The following OPRM1 variants were observed in gnomAD, a reference collection of about 807,000 sequenced individuals.
OPRM1 encodes the protein mu-type opioid receptor.
In OPRM1, 27 loss-of-function variants were observed where a neutral mutation model predicts 31.8. The ratio of observed to expected loss-of-function variants is 0.85; its 90% CI spans 0.63 to 1.17. The LOEUF is 1.17. OPRM1 is among the 50% of genes most tolerant of loss of function. The pLI is 0.00. For missense variants in OPRM1, 536 were observed against 511.1 expected, an observed-to-expected ratio of 1.05 and a Z score of -0.47; for synonymous variants, 196 against 189.9, an observed-to-expected ratio of 1.03 and a Z score of -0.26.
chr6:154,100,944 T>C (rs1794748649), intron 3 of OPRM1, among the ~76,000 whole-genome samples: 1 of 148,660 alleles, frequency 6.7e-6, no homozygotes, highest in South Asian at 2.1e-4. Flanking sequence ...TATATATAAA[T>C]ATATATACAC....
At chr6:154,146,643 T>C (rs1798365538) in intron 3 of OPRM1, among the ~76,000 whole-genome samples, 1 of 152,222 alleles carries the variant, frequency 6.6e-6, no homozygotes. Flanking sequence ...AAAGAGCATT[T>C]GCATTCTAGC....
chr6:154,063,320 T>C (rs1343019323), intron 1 of OPRM1, among the ~76,000 whole-genome samples: 1 of 152,008 alleles, frequency 6.6e-6, no homozygotes, highest in African/African-American at 2.4e-5. Context: ...CTGTACTTTA[T>C]TTATTATACA....
chr6:154,035,950 A>G (rs978667745), upstream of OPRM1, among the ~76,000 whole-genome samples: 1 of 152,136 alleles, frequency 6.6e-6, no homozygotes, highest in Non-Finnish European at 1.5e-5. Context: ...TCAATGAAAT[A>G]AAAGATATAT....
chr6:154,219,196 G>A (rs1488792930), intron 3 of OPRM1: 1 of 151,880 alleles, frequency 6.6e-6, no homozygotes, highest in Non-Finnish European at 1.5e-5. Context: ...ACATGGAAGG[G>A]TCTCACACTT....
Position 154,118,682 on chromosome 6 carries a change from G to C in OPRM1, c.1165-1G>C. 1 of 1,613,170 alleles carries C rather than the reference G, an allele frequency of 6.2e-7. No individual in the cohort carries two copies. The highest frequency in any genetic ancestry group is 8.5e-7 in the Non-Finnish European group (1 of 1,179,496). Reference sequence around the variant, plus strand: ...TGTCTTTGCTCTTTCTCTCCTTTCAGCTAGAAAATCTGGAAGCAGAAACTG... The same window carrying C: ...TGTCTTTGCTCTTTCTCTCCTTTCACCTAGAAAATCTGGAAGCAGAAACTG... On this transcript the variant is annotated splice_acceptor_variant, in intron 3 of 3. Transcript: ENST00000330432. LOFTEE classifies it high-confidence loss of function.
chr6:154,026,422 A>G (rs1433552978), intron 1 of OPRM1, among the ~76,000 whole-genome samples: 1 of 152,092 alleles, frequency 6.6e-6, no homozygotes, highest in Non-Finnish European at 1.5e-5. Context: ...AGTCTTCTTT[A>G]GATTAAATTT....
chr6:154,219,171 A>AGCGG, intron 3 of OPRM1: 1 of 152,328 alleles, frequency 6.6e-6, no homozygotes, highest in Admixed American at 6.5e-5. Flanking sequence ...CATGAAATAC[A>AGCGG]ACGGATTCAG....
intron 1 of OPRM1, among the ~76,000 whole-genome samples, chr6:154,053,198 A>T (rs1782540435): frequency 6.6e-6 from 1 of 152,222 alleles, no homozygotes; most frequent in South Asian, 2.1e-4. Context: ...GCAGTTTGCT[A>T]GGCTTGTCAC....
At chr6:154,073,049 A>G (rs893482633) in intron 1 of OPRM1, among the ~76,000 whole-genome samples, 4 of 152,234 alleles carry the variant, frequency 2.6e-5, no homozygotes, top group Admixed American at 2.6e-4. Flanking sequence ...GAAAGGAGTG[A>G]ATAATGGAAC....
chr6:154,223,287 C>T, intron 3 of OPRM1: 4 of 1,457,056 alleles, frequency 2.7e-6, no homozygotes, highest in Non-Finnish European at 3.8e-6. Context: ...TGCATCAATC[C>T]TGGGGATTAG....
chr6:154,243,408 C>A (rs372597505), intron 3 of OPRM1, among the ~76,000 whole-genome samples: 4 of 152,270 alleles, frequency 2.6e-5, no homozygotes, highest in African/African-American at 9.6e-5. Flanking sequence ...CTGGACTTGA[C>A]CTTTCTCAAT....
At position 154,107,708 on chromosome 6, in the gene OPRM1, A is replaced by G. The variant is rs1392495629; in HGVS notation, c.1165-10975A>G. The G allele has an allele frequency of 4.2e-6, 3 of 718,462 alleles. No homozygotes were observed. The African/African-American group carries it at 5.2e-5, about 13-fold the overall frequency. 44.5% of individuals were successfully genotyped at this position (718,462 alleles called of 1,614,324 possible). On this transcript the variant is annotated intron_variant, in intron 3 of 3. Transcript: ENST00000330432. ...CGTGTGGTTAAAAGGTCAAGCTCCC[A>G]AGGTGGAGAGACTTCATCCAGTTTT...
upstream of OPRM1, among the ~76,000 whole-genome samples, chr6:154,035,955 A>G (rs925865365): frequency 6.6e-6 from 1 of 152,102 alleles, no homozygotes; most frequent in African/African-American, 2.4e-5. Flanking sequence ...GAAATAAAAG[A>G]TATATTTGGG....
chr6:154,049,239 C>T (rs972479131), intron 1 of OPRM1, among the ~76,000 whole-genome samples: 3 of 152,148 alleles, frequency 2.0e-5, no homozygotes, highest in African/African-American at 7.2e-5. Context: ...AGAACTTCCA[C>T]ACTATGTTTG....
intron 3 of OPRM1, among the ~76,000 whole-genome samples, chr6:154,140,216 G>A (rs915222454): frequency 3.9e-5 from 6 of 152,172 alleles, no homozygotes; most frequent in African/African-American, 1.4e-4. Context: ...ATCCTCCCCA[G>A]AGGAAGTAAG....
chr6:154,162,706 T>C (rs1799122614), intron 3 of OPRM1, among the ~76,000 whole-genome samples: 1 of 152,078 alleles, frequency 6.6e-6, no homozygotes, highest in Non-Finnish European at 1.5e-5. Context: ...CTGCTCTATC[T>C]ATGTTCATGC....
chr6:154,224,089 A>C (rs1779070502), intron 3 of OPRM1, among the ~76,000 whole-genome samples: 2 of 152,248 alleles, frequency 1.3e-5, no homozygotes, highest in African/African-American at 4.8e-5. Context: ...ATCTTCTTTC[A>C]TCTACACTGG....
At chr6:154,235,679 T>C (rs903164382) in intron 3 of OPRM1, among the ~76,000 whole-genome samples, 5 of 152,180 alleles carry the variant, frequency 3.3e-5, no homozygotes, top group Non-Finnish European at 7.3e-5. Flanking sequence ...TTCATGAGTT[T>C]CGTCTGTACT....
In OPRM1 at chr6:154,126,896, G is replaced by A. The variant is rs914376977; in HGVS notation, c.*8175G>A. Reference sequence around the variant, plus strand: ...GGAGGCCGAGGCGGGCGGAACACAAGGTCAGGAGATCAAGACCATCCTGGC... The same window carrying A: ...GGAGGCCGAGGCGGGCGGAACACAAAGTCAGGAGATCAAGACCATCCTGGC... On this transcript the variant is annotated 3_prime_UTR_variant, in exon 4 of 4. Transcript: ENST00000330432. 2.6e-4 allele frequency among the ~76,000 whole-genome samples: 39 copies of A among 152,128 alleles called. No individual in the cohort carries two copies. Among genetic ancestry groups the A allele is most frequent in the African/African-American group, 8.9e-4 (37 of 41,412 alleles).
Sources: gnomAD v4.1 joint callset for allele counts (sites outside exome capture counted in the v4.1 genomes callset) on GRCh38, gnomAD v4.1.1 for gene constraint, MANE v1.5 for transcripts, NCBI Gene and HGNC (gene_info 2026-07-23, HGNC 2026-07-21) for gene names.